Variants in FHOD3 observed in about 807,000 individuals in gnomAD.
FHOD3 encodes the protein FH1/FH2 domain-containing protein 3.
A neutral mutation model predicts 173.0 loss-of-function variants in FHOD3; 90 were observed. The observed-to-expected ratio is 0.52, with a 90% CI of 0.44 to 0.62. FHOD3 has a LOEUF of 0.62. Ranked by LOEUF, FHOD3 falls within the 20% of genes least tolerant of loss-of-function variation. The pLI is 0.00. For missense variants in FHOD3, 1,945 were observed against 2,034.7 expected (o/e 0.96, Z 0.85); for synonymous variants, 828 against 823.0 (o/e 1.01, Z -0.10).
chr18:36,536,431 G>T (rs1282580668), intron 5 of FHOD3, among the ~76,000 whole-genome samples: 1 of 152,216 alleles, frequency 6.6e-6, no homozygotes, highest in East Asian at 1.9e-4. Flanking sequence ...ATGGATTTAA[G>T]AAGTCAGCGC....
intron 9 of FHOD3, among the ~76,000 whole-genome samples, chr18:36,623,140 C>G (rs2033839908): frequency 6.6e-6 from 1 of 152,220 alleles, no homozygotes; most frequent in Non-Finnish European, 1.5e-5. Flanking sequence ...TCTTGGCCTT[C>G]AAACTTTCTG....
chr18:36,720,199 A>G (rs1168784108), intron 19 of FHOD3, among the ~76,000 whole-genome samples: 1 of 150,544 alleles, frequency 6.6e-6, no homozygotes, highest in African/African-American at 2.4e-5. Context: ...GACTGGTACC[A>G]AGTGGTGCCG....
At chr18:36,567,379 G>A (rs2058301441) in intron 5 of FHOD3, among the ~76,000 whole-genome samples, 1 of 152,166 alleles carries the variant, frequency 6.6e-6, no homozygotes, top group South Asian at 2.1e-4. Context: ...ATGGACCCTG[G>A]GCCCAGGAGT....
chr18:36,456,695 C>T (rs2052237726), intron 3 of FHOD3, among the ~76,000 whole-genome samples: 1 of 152,018 alleles, frequency 6.6e-6, no homozygotes, highest in Non-Finnish European at 1.5e-5. Context: ...GAGAGGGACC[C>T]ACTTCTACTG....
At chr18:36,395,498 T>C (rs2048514187) in intron 3 of FHOD3, among the ~76,000 whole-genome samples, 1 of 152,198 alleles carries the variant, frequency 6.6e-6, no homozygotes, top group African/African-American at 2.4e-5. Flanking sequence ...ATTCTCGAGT[T>C]GGGGAGTCTT....
At chr18:36,585,551 A>AG (rs899511253) in intron 6 of FHOD3, among the ~76,000 whole-genome samples, 102 of 152,328 alleles carry the variant, frequency 6.7e-4, no homozygotes, top group Non-Finnish European at 1.3e-4. Context: ...CAGCAGGCTG[A>AG]GGGGGCCCCA....
chr18:36,520,999 GTCT>G (rs2056245584), intron 5 of FHOD3, among the ~76,000 whole-genome samples: 2 of 152,288 alleles, frequency 1.3e-5, no homozygotes, highest in South Asian at 2.1e-4. Flanking sequence ...CTCACACATG[GTCT>G]TCTTTTACAA....
intron 16 of FHOD3, among the ~76,000 whole-genome samples, chr18:36,689,017 C>T (rs950292360): frequency 2.0e-5 from 3 of 152,190 alleles, no homozygotes; most frequent in Non-Finnish European, 4.4e-5. Flanking sequence ...TGGGATTCTT[C>T]CCTTGAAGCC....
chr18:36,512,609 A>G (rs2055719120), intron 5 of FHOD3, 66 bp downstream of exon 5: 2 of 1,158,688 alleles, frequency 1.7e-6, no homozygotes, highest in Non-Finnish European at 2.6e-6. Flanking sequence ...CACCTTCAGG[A>G]ACTTAACTAC....
intron 17 of FHOD3, among the ~76,000 whole-genome samples, chr18:36,706,970 T>C (rs184814026): frequency 2.6e-5 from 4 of 152,300 alleles, no homozygotes; most frequent in African/African-American, 4.8e-5. Context: ...TGGGGTTTTG[T>C]ATCTCTCCTA....
At chr18:36,764,744 G>C (rs2043067770) in intron 27 of FHOD3, among the ~76,000 whole-genome samples, 1 of 152,226 alleles carries the variant, frequency 6.6e-6, no homozygotes, top group South Asian at 2.1e-4. Flanking sequence ...CAGTTTCTCT[G>C]CACATTAATG....
At chr18:36,762,688 G>A (rs1235488656) in intron 27 of FHOD3, among the ~76,000 whole-genome samples, 1 of 151,748 alleles carries the variant, frequency 6.6e-6, no homozygotes, top group African/African-American at 2.4e-5. Flanking sequence ...CCTAGCTACT[G>A]GGGAGGCTGA....
At chr18:36,331,173 G>C (rs1011156540) in intron 1 of FHOD3, among the ~76,000 whole-genome samples, 1 of 152,132 alleles carries the variant, frequency 6.6e-6, no homozygotes, top group Non-Finnish European at 1.5e-5. Flanking sequence ...AATTTTCTCT[G>C]CTGACATTTG....
At chr18:36,641,662 T>A (rs1184432841) in intron 10 of FHOD3, among the ~76,000 whole-genome samples, 2 of 152,104 alleles carry the variant, frequency 1.3e-5, no homozygotes, top group Non-Finnish European at 2.9e-5. Flanking sequence ...AAGTGCTCAA[T>A]AAAATTTGTT....
chr18:36,520,702 A>T (rs1033166462), intron 5 of FHOD3, among the ~76,000 whole-genome samples: 6 of 152,158 alleles, frequency 3.9e-5, no homozygotes, highest in Admixed American at 6.5e-5. Flanking sequence ...GGCCAGAGAG[A>T]TTTCTCCAGA....
intron 9 of FHOD3, among the ~76,000 whole-genome samples, chr18:36,616,590 A>G (rs1417193298): frequency 6.6e-6 from 1 of 152,250 alleles, no homozygotes; most frequent in Non-Finnish European, 1.5e-5. Context: ...TCATTCACAA[A>G]TGAAGCATAT....
At chr18:36,515,854 A>G (rs918277494) in intron 5 of FHOD3, among the ~76,000 whole-genome samples, 13 of 152,194 alleles carry the variant, frequency 8.5e-5, no homozygotes, top group Non-Finnish European at 1.6e-4. Context: ...AGGCTACTGC[A>G]AGACATCCTT....
At position 36,443,407 on chromosome 18, in the gene FHOD3, C is replaced by T. The variant is rs535697986; in HGVS notation, c.338-58525C>T. On this transcript the variant is annotated intron_variant, in intron 3 of 28. Coordinates refer to ENST00000590592, the MANE Select transcript of FHOD3 (RefSeq NM_001281740.3). The stretch of plus-strand genomic sequence containing the variant: ...ATTTGTTTTATTCTATGGATTATAA[C>T]CCAGTATTATCATCACTTATTTTGT... 5.4e-4 allele frequency among the ~76,000 whole-genome samples: 82 copies of T among 152,282 alleles called. 1 individual carries two copies. Among genetic ancestry groups the T allele is most frequent in the African/African-American group, 2.0e-3 (82 of 41,566 alleles).
At chr18:36,502,056 C>A in intron 4 of FHOD3, 57 bp downstream of exon 4, 1 of 1,170,058 alleles carries the variant, frequency 8.5e-7, no homozygotes, top group Non-Finnish European at 1.2e-6. Context: ...AAATTAGATA[C>A]AGGCAAGCTT....
Sources: allele counts gnomAD v4.1 joint callset (sites outside exome capture counted in the v4.1 genomes callset), GRCh38; gene constraint gnomAD v4.1.1; transcripts MANE v1.5; gene names NCBI Gene and HGNC (gene_info 2026-07-23, HGNC 2026-07-21).